Variants in MGAT5 observed in about 807,000 individuals in gnomAD.
The protein encoded by MGAT5 is alpha-1,6-mannosylglycoprotein 6-beta-N-acetylglucosaminyltransferase A.
In MGAT5, 30 loss-of-function variants were observed where a neutral mutation model predicts 94.3. The observed-to-expected ratio is 0.32, with a 90% CI of 0.24 to 0.43. The LOEUF is 0.43. Ranked by LOEUF, MGAT5 falls within the 20% of genes least tolerant of loss-of-function variation. The pLI is 1.00. For missense variants in MGAT5, 691 were observed against 905.5 expected, an observed-to-expected ratio of 0.76 and a Z score of 3.04; for synonymous variants, 310 against 322.9, an observed-to-expected ratio of 0.96 and a Z score of 0.43.
rs1338758856 is a variant in MGAT5 at position 134,403,022 on chromosome 2, A to G, written c.1415A>G (p.Tyr472Cys). 3.1e-6 allele frequency: 5 copies of G among 1,609,090 alleles called. No homozygotes were observed. Among genetic ancestry groups the G allele is most frequent in the African/African-American group, 2.7e-5 (2 of 74,664 alleles). Reference protein sequence around the residue: ...KKIYLDIIHTYMEVHATVYGS... With the variant: ...KKIYLDIIHTCMEVHATVYGS... ...ATCTACTTGGACATTATTCACACAT[A>G]CATGGAAGTGCATGCAACTGTTTAT... Residue 472 changes from tyrosine to cysteine, a missense_variant, in exon 11 of 16, where the codon TAC becomes TGC. Transcript: ENST00000281923.
intron 8 of MGAT5, among the ~76,000 whole-genome samples, chr2:134,347,727 G>T (rs956440326): frequency 7.2e-5 from 11 of 152,192 alleles, no homozygotes; most frequent in Non-Finnish European, 1.6e-4. Flanking sequence ...AGGGACTTGA[G>T]TATCCTTGGA....
At chr2:134,144,708 T>G (rs1255509458) in intron 1 of MGAT5, among the ~76,000 whole-genome samples, 1 of 152,256 alleles carries the variant, frequency 6.6e-6, no homozygotes, top group Non-Finnish European at 1.5e-5. Flanking sequence ...CAGTAGTACA[T>G]GTTTTTAATT....
intron 1 of MGAT5, among the ~76,000 whole-genome samples, chr2:134,214,975 A>G (rs976146856): frequency 2.6e-5 from 4 of 152,034 alleles, no homozygotes; most frequent in Non-Finnish European, 5.9e-5. Flanking sequence ...TACCTCTACA[A>G]TCCCCACGCC....
At chr2:134,149,506 T>G (rs1399078830) in intron 1 of MGAT5, among the ~76,000 whole-genome samples, 1 of 152,062 alleles carries the variant, frequency 6.6e-6, no homozygotes, top group Non-Finnish European at 1.5e-5. Context: ...GGTTATCTGG[T>G]TGGATTTGGA....
chr2:134,147,749 CTG>C (rs1335460962), intron 1 of MGAT5, among the ~76,000 whole-genome samples: 5 of 152,340 alleles, frequency 3.3e-5, no homozygotes, highest in South Asian at 2.1e-4. Flanking sequence ...AGTCCTATGA[CTG>C]TGTTCACTGA....
chr2:134,354,273 C>A (rs1679578842), intron 9 of MGAT5, among the ~76,000 whole-genome samples: 1 of 152,134 alleles, frequency 6.6e-6, no homozygotes, highest in Non-Finnish European at 1.5e-5. Context: ...TGATGGAATG[C>A]ACAGTTTGGA....
rs370297332 is a variant in MGAT5, at chr2:134,169,354, A to G, written c.-143+49063A>G. ...TAGGGGTTTGAGACCAGCCTGGGCA[A>G]TATAGTGAAACCTCATCTCCATAAT... On this transcript the variant is annotated intron_variant, in intron 1 of 16. Coordinates refer to the MGAT5 transcript ENST00000409645. 9.4e-4 allele frequency among the ~76,000 whole-genome samples: 143 copies of G among 151,922 alleles called. 1 individual carries two copies. Among genetic ancestry groups the G allele is most frequent in the Middle Eastern group, 3.4e-3 (1 of 294 alleles).
chr2:134,438,443 A>T (rs1685294309), intron 14 of MGAT5, among the ~76,000 whole-genome samples: 1 of 152,194 alleles, frequency 6.6e-6, no homozygotes, highest in Admixed American at 6.5e-5. Flanking sequence ...CTCAGCTCTG[A>T]TCATCAGTAA....
intron 11 of MGAT5, 92 bp downstream of exon 11, chr2:134,403,229 A>G: frequency 7.4e-7 from 1 of 1,357,504 alleles, no homozygotes; most frequent in Non-Finnish European, 9.9e-7. Context: ...TCAATGCTGC[A>G]ATAAACTCTT....
At chr2:134,323,065 T>G (rs1322190847) in intron 4 of MGAT5, among the ~76,000 whole-genome samples, 1 of 152,212 alleles carries the variant, frequency 6.6e-6, no homozygotes, top group Non-Finnish European at 1.5e-5. Flanking sequence ...CATTTTTCTT[T>G]CTTAGGGTTG....
chr2:134,376,019 C>T (rs1398466754), intron 10 of MGAT5, among the ~76,000 whole-genome samples: 1 of 152,156 alleles, frequency 6.6e-6, no homozygotes, highest in Non-Finnish European at 1.5e-5. Context: ...ATTAGTAGAG[C>T]AATGTACAGC....
intron 2 of MGAT5, among the ~76,000 whole-genome samples, chr2:134,301,596 G>C (rs1481840394): frequency 1.3e-5 from 2 of 152,142 alleles, no homozygotes; most frequent in African/African-American, 2.4e-5. Flanking sequence ...ACTGCCAAGA[G>C]AGGCGTGTGT....
At chr2:134,277,447 G>A (rs528067618) in intron 2 of MGAT5, among the ~76,000 whole-genome samples, 11 of 152,228 alleles carry the variant, frequency 7.2e-5, no homozygotes, top group Admixed American at 1.3e-4. Flanking sequence ...GAGAGCGAGC[G>A]AGAGAGCAAG....
At chr2:134,277,125 C>T (rs530803539) in intron 2 of MGAT5, among the ~76,000 whole-genome samples, 107 of 152,216 alleles carry the variant, frequency 7.0e-4, no homozygotes, top group African/African-American at 2.5e-3. Context: ...ATCTGTGGAA[C>T]CAGACTGGCT....
chr2:134,182,789 T>G (rs538815325), intron 1 of MGAT5, among the ~76,000 whole-genome samples: 1 of 141,908 alleles, frequency 7.0e-6, no homozygotes, highest in Admixed American at 6.9e-5. Context: ...AGTTTTTTTT[T>G]TTTTTTTTTT....
chr2:134,148,060 C>G (rs1481411633), intron 1 of MGAT5, among the ~76,000 whole-genome samples: 3 of 152,214 alleles, frequency 2.0e-5, no homozygotes, highest in Non-Finnish European at 4.4e-5. Context: ...AAGAAGCACT[C>G]ATACCGTATC....
intron 1 of MGAT5, among the ~76,000 whole-genome samples, chr2:134,235,395 T>C (rs1389650186): frequency 6.6e-6 from 1 of 152,128 alleles, no homozygotes; most frequent in Non-Finnish European, 1.5e-5. Flanking sequence ...GGGCTACCAT[T>C]TGTATTTAAA....
intron 1 of MGAT5, among the ~76,000 whole-genome samples, chr2:134,206,721 G>T (rs1044987425): frequency 6.6e-6 from 1 of 152,156 alleles, no homozygotes; most frequent in Non-Finnish European, 1.5e-5. Context: ...ATGCAGAGGA[G>T]GATTACTCAG....
At chr2:134,374,500 G>A (rs1490062935) in intron 10 of MGAT5, among the ~76,000 whole-genome samples, 2 of 152,150 alleles carry the variant, frequency 1.3e-5, no homozygotes, top group East Asian at 3.8e-4. Flanking sequence ...ACCTTCAATT[G>A]CAAGAAAGGG....
Sources: gnomAD v4.1 joint callset for allele counts (sites outside exome capture counted in the v4.1 genomes callset) on GRCh38, gnomAD v4.1.1 for gene constraint, MANE v1.5 for transcripts, NCBI Gene and HGNC (gene_info 2026-07-23, HGNC 2026-07-21) for gene names.